Variants in OTUD7A observed in about 807,000 individuals in gnomAD.
OTUD7A encodes the protein OTU deubiquitinase 7A, also known as OTU domain-containing protein 7A.
A neutral mutation model predicts 65.7 loss-of-function variants in OTUD7A; 12 were observed. That is an observed-to-expected ratio of 0.18 (90% CI 0.12 to 0.30). OTUD7A has a LOEUF of 0.30. Among genes scored for constraint, OTUD7A ranks in the 10% least tolerant of loss-of-function variants. The probability of loss-of-function intolerance (pLI) is 1.00; values close to 1 mark genes in which losing one functional copy is unlikely to be tolerated. For synonymous variants in OTUD7A, 641 were observed against 586.3 expected (o/e 1.09, Z -1.35); for missense variants, 1,148 against 1,304.8 (o/e 0.88, Z 1.85).
intron 1 of OTUD7A, among the ~76,000 whole-genome samples, chr15:31,820,870 G>A (rs1896661634): frequency 6.6e-6 from 1 of 152,044 alleles, no homozygotes; most frequent in Non-Finnish European, 1.5e-5. Context: ...TATTCACAGA[G>A]TTGTGCAACC....
At chr15:31,539,557 C>T (rs993487406) in intron 5 of OTUD7A, among the ~76,000 whole-genome samples, 17 of 152,032 alleles carry the variant, frequency 1.1e-4, no homozygotes, top group Non-Finnish European at 8.8e-5. Flanking sequence ...CCAAATGTAA[C>T]GCATAAAGTT....
chr15:31,677,260 T>C (rs1373037630), intron 1 of OTUD7A, among the ~76,000 whole-genome samples: 1 of 152,162 alleles, frequency 6.6e-6, no homozygotes, highest in Non-Finnish European at 1.5e-5. Flanking sequence ...CCCTACATGA[T>C]GGTGTGGTCT....
rs770998930 is a variant in OTUD7A at position 31,503,716 on chromosome 15, T to A, written c.996A>T (p.Thr332=). 23 of 1,614,022 alleles carry A rather than the reference T, an allele frequency of 1.4e-5. No individual in the cohort carries two copies. In the African/African-American group the frequency reaches 2.8e-4, roughly 20 times the overall value. Residue 332 remains threonine (T), a synonymous_variant, in exon 9 of 13, where the codon ACA becomes ACT. Coordinates refer to ENST00000307050, the MANE Select transcript of OTUD7A (RefSeq NM_001382637.1). The part of the protein sequence containing the change: ...LRRPIVVVAD[T]MLRDSGGEAF... ...CTTCTCCACCTGAGTCTCTTAACAT[T>A]GTATCTGCCACAACAACGATGGGCC...
chr15:31,520,935 T>G (rs989870373), intron 8 of OTUD7A, among the ~76,000 whole-genome samples: 1 of 152,196 alleles, frequency 6.6e-6, no homozygotes, highest in Non-Finnish European at 1.5e-5. Flanking sequence ...TACCATGGAA[T>G]ATGACTCAGC....
intron 3 of OTUD7A, among the ~76,000 whole-genome samples, chr15:31,629,069 T>C (rs1327463357): frequency 3.9e-5 from 6 of 152,090 alleles, no homozygotes; most frequent in African/African-American, 1.4e-4. Flanking sequence ...CTTTTCCTAA[T>C]TGAATACCCT....
At chr15:31,554,097 T>A (rs1291201873) in intron 5 of OTUD7A, among the ~76,000 whole-genome samples, 1 of 152,094 alleles carries the variant, frequency 6.6e-6, no homozygotes, top group Admixed American at 6.5e-5. Context: ...TTAGACTCCC[T>A]CTGCCAGGAA....
At chr15:31,714,290 T>C (rs1893526152) in intron 1 of OTUD7A, among the ~76,000 whole-genome samples, 1 of 152,192 alleles carries the variant, frequency 6.6e-6, no homozygotes, top group South Asian at 2.1e-4. Context: ...AAATAGTACA[T>C]GAATAGCGTA....
chr15:31,772,498 C>T (rs757256848), intron 1 of OTUD7A, among the ~76,000 whole-genome samples: 3 of 152,168 alleles, frequency 2.0e-5, no homozygotes, highest in Non-Finnish European at 4.4e-5. Flanking sequence ...TCTCCATGCA[C>T]TGCATACACC....
At chr15:31,762,353 T>C (rs775422607) in intron 1 of OTUD7A, among the ~76,000 whole-genome samples, 7 of 152,202 alleles carry the variant, frequency 4.6e-5, no homozygotes, top group East Asian at 1.9e-4. Flanking sequence ...CCTCCCACCA[T>C]TTAACCTCCA....
chr15:31,820,529 CATTT>C (rs1373004972), intron 1 of OTUD7A, among the ~76,000 whole-genome samples: 2 of 152,132 alleles, frequency 1.3e-5, no homozygotes, highest in East Asian at 3.9e-4. Context: ...GCTTCCCATG[CATTT>C]ATTTATTTTA....
At position 31,484,007 on chromosome 15, in the gene OTUD7A, T is replaced by TGGCGGCGGCGGC. The variant is rs199744400; in HGVS notation, c.2077_2088dup (p.Ala693_Ala696dup). 0.012 allele frequency: 14,633 copies of TGGCGGCGGCGGC among 1,170,728 alleles called. 110 individuals carry two copies. Among genetic ancestry groups the TGGCGGCGGCGGC allele is most frequent in the Non-Finnish European group, 0.014 (13,332 of 951,794 alleles). 72.5% of individuals were successfully genotyped at this position (1,170,728 alleles called of 1,614,324 possible). A position where few individuals can be genotyped will look rare whatever the true frequency, so the allele number is the denominator to read the frequency against. ...GGTCTGCGCGGCGGCCGCTTGGCCG[T>TGGCGGCGGCGGC]GGCGGCGGCGGCGGCGGCGGCAGCG... On this transcript the variant is annotated inframe_insertion, in exon 13 of 13. Transcript: ENST00000307050. The surrounding 1 kb of genome is among the most constrained non-coding windows in gnomAD (Gnocchi z 4.5).
At chr15:31,654,407 TAAAG>T (rs1454192879) in intron 3 of OTUD7A, among the ~76,000 whole-genome samples, 3 of 151,300 alleles carry the variant, frequency 2.0e-5, no homozygotes, top group South Asian at 2.1e-4. Context: ...CTAAGTGACT[TAAAG>T]AATCATTGTG....
At chr15:31,628,802 C>G (rs951467237) in intron 3 of OTUD7A, among the ~76,000 whole-genome samples, 1 of 152,034 alleles carries the variant, frequency 6.6e-6, no homozygotes, top group Admixed American at 6.6e-5. Flanking sequence ...TTGAAGAGGT[C>G]CTTCACATCC....
In OTUD7A at chr15:31,632,274, A is replaced by G. The variant is rs558253564; in HGVS notation, c.151+22822T>C. Among the ~76,000 whole-genome samples, 4 of 152,244 alleles carry G rather than the reference A, an allele frequency of 2.6e-5. No homozygotes were observed. In the South Asian group the frequency reaches 8.3e-4, roughly 32 times the overall value. On this transcript the variant is annotated intron_variant, in intron 3 of 12. Transcript: ENST00000307050. ...ACGTACAGAAGGGTTTTTGGTGTGG[A>G]TGTCCTTTCTGTTTGTTAGTTTTCC...
intron 1 of OTUD7A, among the ~76,000 whole-genome samples, chr15:31,842,127 G>A (rs1017396867): frequency 1.7e-4 from 26 of 152,352 alleles, no homozygotes; most frequent in African/African-American, 5.5e-4. Flanking sequence ...TGAGTGAAAG[G>A]AGCAAAATGG....
At chr15:31,848,715 T>C (rs939364061) in intron 1 of OTUD7A, among the ~76,000 whole-genome samples, 1 of 152,230 alleles carries the variant, frequency 6.6e-6, no homozygotes, top group Non-Finnish European at 1.5e-5. Flanking sequence ...CTGAAAAATA[T>C]GGTATGCTCA....
At chr15:31,857,748 T>C (rs1049354516) in intron 1 of OTUD7A, among the ~76,000 whole-genome samples, 1 of 152,198 alleles carries the variant, frequency 6.6e-6, no homozygotes, top group Non-Finnish European at 1.5e-5. Flanking sequence ...TCCTGGACCA[T>C]GAAGGGTATT....
chr15:31,517,661 G>C (rs2041877439), intron 8 of OTUD7A, among the ~76,000 whole-genome samples: 1 of 152,178 alleles, frequency 6.6e-6, no homozygotes, highest in Non-Finnish European at 1.5e-5. Flanking sequence ...TCTCCAGTGG[G>C]TACTTGAGGA....
At chr15:31,765,156 ATGAC>A (rs1895064707) in intron 1 of OTUD7A, among the ~76,000 whole-genome samples, 1 of 152,152 alleles carries the variant, frequency 6.6e-6, no homozygotes, top group African/African-American at 2.4e-5. Flanking sequence ...GAACAAATGA[ATGAC>A]TGAAGCAGTT....
Sources: allele counts gnomAD v4.1 joint callset (sites outside exome capture counted in the v4.1 genomes callset), GRCh38; gene constraint gnomAD v4.1.1; non-coding constraint Gnocchi (gnomAD v3.1); transcripts MANE v1.5; gene names NCBI Gene and HGNC (gene_info 2026-07-23, HGNC 2026-07-21).